NXPH1: variants seen among roughly 807,000 people sequenced by gnomAD.
NXPH1 encodes the protein neurexophilin 1, also known as neurexophilin-1.
Under a neutral mutation model 23.7 loss-of-function variants are expected in NXPH1, and 5 were observed. The ratio of observed to expected loss-of-function variants is 0.21; its 90% CI spans 0.11 to 0.44. The LOEUF is 0.44. Ranked by LOEUF, NXPH1 falls within the 20% of genes least tolerant of loss-of-function variation. NXPH1 has a pLI of 0.99. For missense variants in NXPH1, 324 were observed against 321.6 expected (o/e 1.01, Z -0.06); for synonymous variants, 144 against 122.2 (o/e 1.18, Z -1.18).
intron 2 of NXPH1, among the ~76,000 whole-genome samples, chr7:8,668,217 A>T (rs796315243): frequency 6.8e-6 from 1 of 146,896 alleles, no homozygotes; most frequent in East Asian, 2.0e-4. Flanking sequence ...TCAGCAACTG[A>T]GAGATTATTG....
chr7:8,641,272 A>G (rs1487786248), intron 2 of NXPH1, among the ~76,000 whole-genome samples: 1 of 152,198 alleles, frequency 6.6e-6, no homozygotes, highest in Non-Finnish European at 1.5e-5. Flanking sequence ...ACCTGTGCAC[A>G]GTTTAATATT....
At chr7:8,556,836 A>C (rs571832678) in intron 2 of NXPH1, among the ~76,000 whole-genome samples, 1 of 151,768 alleles carries the variant, frequency 6.6e-6, no homozygotes, top group East Asian at 2.0e-4. Context: ...TTTAATGCTT[A>C]CTCTGTGTCA....
chr7:8,451,386 G>T (rs566313051), intron 2 of NXPH1, among the ~76,000 whole-genome samples: 7 of 152,120 alleles, frequency 4.6e-5, no homozygotes, highest in Admixed American at 4.6e-4. Context: ...AGCCGCTTCC[G>T]AAGCACAGAT....
intron 2 of NXPH1, among the ~76,000 whole-genome samples, chr7:8,502,002 G>C (rs1817444854): frequency 6.6e-6 from 1 of 150,734 alleles, no homozygotes; most frequent in Non-Finnish European, 1.5e-5. Context: ...GAGTGATCTT[G>C]TTGCTTGTTA....
intron 2 of NXPH1, among the ~76,000 whole-genome samples, chr7:8,738,784 G>C (rs1204100616): frequency 6.6e-6 from 1 of 152,130 alleles, no homozygotes; most frequent in African/African-American, 2.4e-5. Context: ...ATAAGCCCCT[G>C]ACTGGGGCTG....
At chr7:8,479,863 C>T (rs745321174) in intron 2 of NXPH1, among the ~76,000 whole-genome samples, 3 of 151,998 alleles carry the variant, frequency 2.0e-5, no homozygotes, top group African/African-American at 4.8e-5. Flanking sequence ...GAGTAGATAA[C>T]GGTATTTTAA....
At chr7:8,523,635 A>C (rs17150439) in intron 2 of NXPH1, among the ~76,000 whole-genome samples, 2,160 of 152,270 alleles carry the variant, frequency 0.014, 39 homozygotes, top group African/African-American at 0.047. Context: ...GGATTTCTTA[A>C]AGCGTTTGTA....
intron 2 of NXPH1, among the ~76,000 whole-genome samples, chr7:8,568,227 C>A (rs946966037): frequency 6.6e-6 from 1 of 151,824 alleles, no homozygotes; most frequent in African/African-American, 2.4e-5. Flanking sequence ...ATTTTATTTT[C>A]TCAAATGTTT....
At chr7:8,523,639 G>A (rs1032912198) in intron 2 of NXPH1, among the ~76,000 whole-genome samples, 56 of 152,142 alleles carry the variant, frequency 3.7e-4, no homozygotes, top group African/African-American at 1.2e-3. Context: ...TTCTTAAAGC[G>A]TTTGTAAAGT....
chr7:8,523,092 A>G (rs17150410), intron 2 of NXPH1, among the ~76,000 whole-genome samples: 37,024 of 152,128 alleles, frequency 0.24, 4,594 homozygotes, highest in East Asian at 0.3. Context: ...TCATGTCAGA[A>G]GATAACAGGC....
intron 2 of NXPH1, among the ~76,000 whole-genome samples, chr7:8,708,144 TG>T: frequency 6.6e-6 from 1 of 152,274 alleles, no homozygotes; most frequent in Non-Finnish European, 1.5e-5. Context: ...AGCCAAATCA[TG>T]GTCTATAAAG....
intron 2 of NXPH1, among the ~76,000 whole-genome samples, chr7:8,551,898 A>G (rs1818281664): frequency 6.6e-6 from 1 of 151,368 alleles, no homozygotes; most frequent in Admixed American, 6.6e-5. Flanking sequence ...GTCAGCTTCC[A>G]ATTTGTTCAA....
At chr7:8,527,536 C>A (rs746098285) in intron 2 of NXPH1, among the ~76,000 whole-genome samples, 2 of 152,138 alleles carry the variant, frequency 1.3e-5, no homozygotes, top group Non-Finnish European at 2.9e-5. Context: ...TCCACACAAT[C>A]AGAAGGGGGA....
At chr7:8,714,793 T>C (rs1312252534) in intron 2 of NXPH1, among the ~76,000 whole-genome samples, 5 of 152,138 alleles carry the variant, frequency 3.3e-5, no homozygotes, top group African/African-American at 1.2e-4. Context: ...CAAATCACAC[T>C]GTGGCTGAGC....
At chr7:8,686,954 A>T (rs1821155520) in intron 2 of NXPH1, among the ~76,000 whole-genome samples, 1 of 152,122 alleles carries the variant, frequency 6.6e-6, no homozygotes, top group African/African-American at 2.4e-5. Context: ...TTAATGAAAA[A>T]AAGCAGGCAA....
chr7:8,550,622 A>G (rs376337522), intron 2 of NXPH1, among the ~76,000 whole-genome samples: 2 of 151,690 alleles, frequency 1.3e-5, no homozygotes, highest in South Asian at 2.1e-4. Flanking sequence ...AAAATAACCC[A>G]TAATACCAAC....
intron 2 of NXPH1, among the ~76,000 whole-genome samples, chr7:8,490,515 C>T (rs1817231322): frequency 6.6e-6 from 1 of 151,712 alleles, no homozygotes; most frequent in Non-Finnish European, 1.5e-5. Context: ...TTTTCATTCT[C>T]ATTTAACCTT....
intron 2 of NXPH1, among the ~76,000 whole-genome samples, chr7:8,665,888 A>T (rs970881545): frequency 4.2e-4 from 54 of 128,352 alleles, no homozygotes; most frequent in African/African-American, 1.5e-3. Context: ...GAATTGATTT[A>T]TTAGTTCTAA....
intron 2 of NXPH1, among the ~76,000 whole-genome samples, chr7:8,685,821 T>TAA (rs58047305): frequency 2.0e-4 from 30 of 149,428 alleles, no homozygotes; most frequent in African/African-American, 5.9e-4. Flanking sequence ...GTTAATAGGT[T>TAA]AAAAAAAAAA....
Sources: allele counts gnomAD v4.1 joint callset (sites outside exome capture counted in the v4.1 genomes callset), GRCh38; gene constraint gnomAD v4.1.1; transcripts MANE v1.5; gene names NCBI Gene and HGNC (gene_info 2026-07-23, HGNC 2026-07-21).